SEPTIN12: variants seen among roughly 807,000 people sequenced by gnomAD.
SEPTIN12 encodes the protein septin 12, also known as septin-12.
SEPTIN12 carries 42 observed loss-of-function variants against 37.7 expected under a neutral mutation model. The ratio of observed to expected loss-of-function variants is 1.11; its 90% CI spans 0.87 to 1.44. The LOEUF is 1.44. Ranked by LOEUF, SEPTIN12 falls within the 40% of genes most tolerant of loss-of-function variation. The pLI, the probability that SEPTIN12 is intolerant of heterozygous loss-of-function variation, is 0.00. For synonymous variants in SEPTIN12, 254 were observed against 196.7 expected (o/e 1.29, Z -2.44); for missense variants, 613 against 479.2 (o/e 1.28, Z -2.61).
chr16:4,784,325 G>A (rs747412246), intron 4 of SEPTIN12: 7 of 493,692 alleles, frequency 1.4e-5, no homozygotes, highest in Non-Finnish European at 2.2e-5. Context: ...GTAAGGGAGG[G>A]GTGAGCATTA....
chr16:4,787,580 T>A lies in SEPTIN12; in HGVS notation c.66A>T (p.Pro22=). ...LSSQPSSPST[P]PCEMLGPVGI... is the part of the protein sequence containing the mutation. Reference sequence around the variant, plus strand: ...CCACAGGACCAAGCATCTCGCAGGGTGGGGTGCTGGGGCTGGAGGGCTGCG... The same window carrying A: ...CCACAGGACCAAGCATCTCGCAGGGAGGGGTGCTGGGGCTGGAGGGCTGCG... The change falls in exon 2 of 10, where the codon CCA becomes CCT. Residue 22 remains proline, a synonymous_variant. Transcript: ENST00000268231. 1 of 1,607,856 alleles carries A rather than the reference T, an allele frequency of 6.2e-7. No homozygotes were observed. Among genetic ancestry groups the A allele is most frequent in the Non-Finnish European group, 8.5e-7 (1 of 1,179,268 alleles).
intron 2 of SEPTIN12, 62 bp from the exon 3 acceptor site, chr16:4,786,167 T>C: frequency 6.6e-7 from 1 of 1,519,896 alleles, no homozygotes; most frequent in Non-Finnish European, 8.8e-7. Context: ...TTTCTCTAAC[T>C]CTTTACTTTT....
In SEPTIN12 at chr16:4,787,544, A is replaced by G. The variant is rs9673735; in HGVS notation, c.102T>C (p.Ala34=). ...CEMLGPVGIE[A]VLDQLKIKAM... ...CCTTGATCTTCAGCTGGTCCAGCAC[A>G]GCCTCAATGCCCACAGGACCAAGCA... The change falls in exon 2 of 10, where the codon GCT becomes GCC. Residue 34 remains alanine (A), a synonymous_variant. Coordinates refer to ENST00000268231, the MANE Select transcript of SEPTIN12 (RefSeq NM_144605.5). 0.28 allele frequency: 452,580 copies of G among 1,611,738 alleles called. 65,837 individuals are homozygous for G. Among genetic ancestry groups the G allele is most frequent in the South Asian group, 0.4 (36,842 of 91,062 alleles).
chr16:4,787,322 A>T, intron 2 of SEPTIN12, 158 bp downstream of exon 2: 1 of 729,720 alleles, frequency 1.4e-6, no homozygotes. Context: ...ATGACTCAGC[A>T]TTTCTCAAAT....
At chr16:4,781,934 G>A (rs1386019013) in intron 7 of SEPTIN12, among the ~76,000 whole-genome samples, 16 of 115,616 alleles carry the variant, frequency 1.4e-4, no homozygotes, top group Non-Finnish European at 2.3e-4. Context: ...GTGAGCCACC[G>A]TGCCCGGCCT....
upstream of SEPTIN12, among the ~76,000 whole-genome samples, chr16:4,790,719 G>A (rs781371242): frequency 1.5e-4 from 23 of 152,332 alleles, no homozygotes; most frequent in Non-Finnish European, 1.9e-4. Flanking sequence ...AACCGAGGAG[G>A]TGGAGGTTGC....
In SEPTIN12 at chr16:4,779,805, CAG is replaced by C. The variant is rs747316429; in HGVS notation, c.727-21_727-20del. 1 of 1,551,464 alleles carries C rather than the reference CAG, an allele frequency of 6.4e-7. No homozygotes were observed. The highest frequency in any genetic ancestry group is 1.1e-5 in the South Asian group (1 of 89,852). On this transcript the variant is annotated intron_variant, in intron 7 of 9. Transcript: ENST00000268231. ...TTCGGTCCTGGGAAAGGAGAAGACA[CAG>C]AGATGGGAGGATTGACTTCGCTGGG...
At position 4,778,888 on chromosome 16, in the gene SEPTIN12, C is replaced by T. The variant is rs536500952; in HGVS notation, c.824-751G>A. Among the ~76,000 whole-genome samples the T allele has an allele frequency of 2.5e-3, 380 of 151,768 alleles. 1 individual carries two copies. The highest frequency in any genetic ancestry group is 2.6e-3 in the Non-Finnish European group (176 of 67,958). On this transcript the variant is annotated intron_variant, in intron 8 of 9. Transcript: ENST00000268231. ...GGCGCGGTGGCACACGCCTGTAATCCCAGCACTTTGGGAGGCCGAGGCGGG... is the reference window on the plus strand; with the variant it reads ...GGCGCGGTGGCACACGCCTGTAATCTCAGCACTTTGGGAGGCCGAGGCGGG...
upstream of SEPTIN12, among the ~76,000 whole-genome samples, chr16:4,789,253 C>G (rs1479433409): frequency 6.6e-6 from 1 of 152,176 alleles, no homozygotes; most frequent in East Asian, 1.9e-4. Flanking sequence ...CTCAAGTGAT[C>G]CACCAACCCT....
upstream of SEPTIN12, among the ~76,000 whole-genome samples, chr16:4,791,039 G>C (rs1177330831): frequency 6.6e-6 from 1 of 152,224 alleles, no homozygotes; most frequent in Admixed American, 6.5e-5. Context: ...ATGGTGACGT[G>C]TGGACTGCGT....
rs564360777 is a variant in SEPTIN12, at chr16:4,782,577, G to A, written c.726+885C>T. The stretch of plus-strand genomic sequence containing the variant: ...TTTTACTTTCCCTCCAGCAGTAGGT[G>A]AGGGTTTCAGTTCCTCCACATCTTC... On this transcript the variant is annotated intron_variant, in intron 7 of 9. Transcript: ENST00000268231. 4.6e-5 allele frequency among the ~76,000 whole-genome samples: 7 copies of A among 152,174 alleles called. No individual in the cohort carries two copies. In the South Asian group the frequency reaches 1.5e-3, roughly 32 times the overall value.
upstream of SEPTIN12, among the ~76,000 whole-genome samples, chr16:4,791,685 C>T (rs1204051373): frequency 6.6e-6 from 1 of 151,994 alleles, no homozygotes; most frequent in Non-Finnish European, 1.5e-5. Context: ...GGCTCTGTGA[C>T]TTTTGTCTTT....
intron 8 of SEPTIN12, among the ~76,000 whole-genome samples, chr16:4,778,875 C>T (rs934950911): frequency 6.6e-6 from 1 of 151,794 alleles, no homozygotes; most frequent in African/African-American, 2.4e-5. Flanking sequence ...CGCGGTGGCA[C>T]ACGCCTGTAA....
intron 1 of SEPTIN12, chr16:4,787,883 G>C (rs2082485077): frequency 9.7e-6 from 5 of 517,168 alleles, no homozygotes; most frequent in African/African-American, 1.9e-5. Context: ...CATCCAGAGA[G>C]GCTCCGCTGC....
In SEPTIN12 at chr16:4,777,975, T is replaced by A. The variant is rs769333245; in HGVS notation, c.899A>T (p.Asp300Val). ...LIRSHLQDLK[D>V]ITHNIHYENY... Reference sequence around the variant, plus strand: ...CTCATAGTGGATGTTGTGGGTTATGTCCTTCAGGTCTTGGAGGTGGGAGCT... The same window carrying A: ...CTCATAGTGGATGTTGTGGGTTATGACCTTCAGGTCTTGGAGGTGGGAGCT... The change falls in exon 10 of 10, where the codon GAC becomes GTC. Residue 300 changes from aspartate to valine, a missense_variant. Coordinates refer to ENST00000268231, the MANE Select transcript of SEPTIN12 (RefSeq NM_144605.5). 3.1e-6 allele frequency: 5 copies of A among 1,611,846 alleles called. No homozygotes were observed. The South Asian group carries it at 5.5e-5, about 18-fold the overall frequency.
chr16:4,778,863 G>A (rs1288104293), intron 8 of SEPTIN12, among the ~76,000 whole-genome samples: 1 of 151,416 alleles, frequency 6.6e-6, no homozygotes, highest in Non-Finnish European at 1.5e-5. Flanking sequence ...CACCTGACCG[G>A]GCGCGGTGGC....
rs781263265 is a variant in SEPTIN12, at chr16:4,786,122, G to T, written c.167-17C>A. On this transcript the variant is annotated splice_polypyrimidine_tract_variant and intron_variant, in intron 2 of 9. Coordinates refer to ENST00000268231, the MANE Select transcript of SEPTIN12 (RefSeq NM_144605.5). ...CGCTTTGCCCTGGGAGTGGCAACCGGATGACAGCAGTTAGGGTGGGCGTTT... is the reference window on the plus strand; with the variant it reads ...CGCTTTGCCCTGGGAGTGGCAACCGTATGACAGCAGTTAGGGTGGGCGTTT... The T allele has an allele frequency of 2.5e-6, 4 of 1,587,576 alleles. No homozygotes were observed. The highest frequency in any genetic ancestry group is 3.4e-6 in the Non-Finnish European group (4 of 1,164,518).
chr16:4,785,619 C>CA (rs979136342), intron 4 of SEPTIN12, 188 bp downstream of exon 4: 23 of 564,470 alleles, frequency 4.1e-5, no homozygotes, highest in Admixed American at 1.2e-4. Flanking sequence ...ACTAAAAATA[C>CA]AAAAAAAATT....
In SEPTIN12 at chr16:4,783,708, G is replaced by GCAC; in HGVS notation, c.568_570dup (p.Val190dup). ...AGGCTGTCGGCCCTGGCAATCACGG[G>GCAC]CACCACATTCACAGTCCGGCACAGC... On this transcript the variant is annotated inframe_insertion, in exon 6 of 10. Transcript: ENST00000268231. 1 of 1,614,080 alleles carries GCAC rather than the reference G, an allele frequency of 6.2e-7. No individual in the cohort carries two copies. Among genetic ancestry groups the GCAC allele is most frequent in the Non-Finnish European group, 8.5e-7 (1 of 1,180,030 alleles).
Sources: gnomAD v4.1 joint callset for allele counts (sites outside exome capture counted in the v4.1 genomes callset) on GRCh38, gnomAD v4.1.1 for gene constraint, MANE v1.5 for transcripts, NCBI Gene and HGNC (gene_info 2026-07-23, HGNC 2026-07-21) for gene names.